The following TRAPPC10 variants were observed in gnomAD, a reference collection of about 807,000 sequenced individuals.
TRAPPC10 encodes TRAPP 130 kDa subunit.
Under a neutral mutation model 125.5 loss-of-function variants are expected in TRAPPC10, and 23 were observed. The ratio of observed to expected loss-of-function variants is 0.18; its 90% confidence interval spans 0.13 to 0.26. The LOEUF (loss-of-function observed/expected upper bound fraction) is 0.26, where lower values mean the gene tolerates loss of function less well. Ranked by LOEUF, TRAPPC10 falls within the 10% of genes least tolerant of loss-of-function variation. The pLI, the probability that TRAPPC10 is intolerant of heterozygous loss-of-function variation, is 1.00. For missense variants in TRAPPC10, 1,123 were observed against 1,308.4 expected, an observed-to-expected ratio of 0.86 and a Z score of 2.19; for synonymous variants, 509 against 518.0, an observed-to-expected ratio of 0.98 and a Z score of 0.24.
chr21:44,063,476 C>G lies in TRAPPC10; in HGVS notation c.791-62C>G. On this transcript the variant is annotated intron_variant, in intron 6 of 22. Transcript: ENST00000291574. The surrounding 1 kb of genome is among the most constrained non-coding windows in gnomAD (Gnocchi z 4.4). ...GTTTGCCCACCATCCTCAGCCTGAG[C>G]AGGAAGCTCAGGAAGGTGAAGTACC... 1 of 1,581,134 alleles carries G rather than the reference C, an allele frequency of 6.3e-7. No homozygotes were observed. Among genetic ancestry groups the G allele is most frequent in the Non-Finnish European group, 8.6e-7 (1 of 1,162,814 alleles).
At position 44,037,903 on chromosome 21, in the gene TRAPPC10, C is replaced by T; in HGVS notation, c.261C>T (p.Leu87=). The change falls in exon 3 of 23, where the codon CTC becomes CTT. Residue 87 remains leucine (L), a synonymous_variant. Coordinates refer to ENST00000291574, the MANE Select transcript of TRAPPC10 (RefSeq NM_003274.5). ...GNKALLTFPF[L]HIYWTECCDT... ...AAGCTCTGCTCACGTTTCCCTTCCT[C>T]CATATTTACTGGACAGAGTGCTGTG... 1 of 1,613,854 alleles carries T rather than the reference C, an allele frequency of 6.2e-7. No homozygotes were observed. Among genetic ancestry groups the T allele is most frequent in the Non-Finnish European group, 8.5e-7 (1 of 1,179,958 alleles).
rs2145860366 is a variant in TRAPPC10 at position 44,055,813 on chromosome 21, A to G, written c.598A>G (p.Lys200Glu). ...TATGTCTTTTACCAAAAACCTAGGC[A>G]AGTTTGAGGATGACATGAGAACCTT... is the stretch of plus-strand genomic sequence containing the variant. ...LLMSFTKNLG[K>E]FEDDMRTLRE... Residue 200 changes from lysine (K) to glutamate (E), a missense_variant, in exon 5 of 23, where the codon AAG (lysine) becomes GAG (glutamate). Coordinates refer to ENST00000291574, the MANE Select transcript of TRAPPC10 (RefSeq NM_003274.5). 2 of 1,613,854 alleles carry G rather than the reference A, an allele frequency of 1.2e-6. No individual in the cohort carries two copies. The highest frequency in any genetic ancestry group is 2.2e-5 in the South Asian group (2 of 91,058).
chr21:44,020,206 C>T (rs1233065321), intron 1 of TRAPPC10, among the ~76,000 whole-genome samples: 4 of 151,340 alleles, frequency 2.6e-5, no homozygotes, highest in Non-Finnish European at 4.4e-5. Flanking sequence ...CTGCAAGCTC[C>T]GACTCCGCCT....
intron 1 of TRAPPC10, among the ~76,000 whole-genome samples, chr21:44,029,128 T>G (rs768188557): frequency 8.5e-5 from 13 of 152,246 alleles, no homozygotes. Flanking sequence ...GGAGTCTCGC[T>G]CTGTCGCCCG....
intron 3 of TRAPPC10, among the ~76,000 whole-genome samples, chr21:44,042,717 T>A (rs1569159954): frequency 6.6e-6 from 1 of 152,356 alleles, no homozygotes; most frequent in East Asian, 1.9e-4. Context: ...GACAGTGGTA[T>A]GGTAAAGTCT....
At chr21:44,066,596 C>T (rs2036469067) in intron 7 of TRAPPC10, among the ~76,000 whole-genome samples, 1 of 152,086 alleles carries the variant, frequency 6.6e-6, no homozygotes, top group Non-Finnish European at 1.5e-5. Flanking sequence ...TGGAAAATAA[C>T]AGACAAATAT....
chr21:44,052,537 C>T, intron 4 of TRAPPC10, 61 bp downstream of exon 4: 6 of 1,460,124 alleles, frequency 4.1e-6, no homozygotes, highest in East Asian at 4.6e-5. Flanking sequence ...AGATTGCTGG[C>T]TTCCTGGGTA....
rs1004473941 is a variant in TRAPPC10 at position 44,012,673 on chromosome 21, G to C, written c.67+113G>C. On this transcript the variant is annotated intron_variant, in intron 1 of 22. Coordinates refer to ENST00000291574, the MANE Select transcript of TRAPPC10 (RefSeq NM_003274.5). ...CCCCCGGCGCGCTCCGGGCTGGGCC[G>C]CTTCCTGGAGGTGTGACCAGGGCTG... The C allele has an allele frequency of 5.4e-6, 5 of 933,608 alleles. No homozygotes were observed. The East Asian group carries it at 1.7e-4, about 31-fold the overall frequency. 57.8% of individuals were successfully genotyped at this position (933,608 alleles called of 1,614,324 possible).
intron 7 of TRAPPC10, among the ~76,000 whole-genome samples, chr21:44,064,001 G>A (rs891167413): frequency 5.9e-5 from 9 of 152,128 alleles, no homozygotes; most frequent in Admixed American, 5.2e-4. Flanking sequence ...AGTTTGTGCC[G>A]GTCCAGAGCA....
At chr21:44,015,610 ATTTTT>A (rs11405094) in intron 1 of TRAPPC10, among the ~76,000 whole-genome samples, 1 of 140,442 alleles carries the variant, frequency 7.1e-6, no homozygotes, top group Non-Finnish European at 1.6e-5. Context: ...AGCTCTCCAA[ATTTTT>A]TTTTTTTTTT....
intron 1 of TRAPPC10, among the ~76,000 whole-genome samples, chr21:44,026,227 C>T (rs538108937): frequency 2.6e-5 from 4 of 152,118 alleles, no homozygotes; most frequent in African/African-American, 9.6e-5. Flanking sequence ...CCCCCGACTG[C>T]GAAGGCTTTT....
intron 15 of TRAPPC10, among the ~76,000 whole-genome samples, chr21:44,086,103 C>T (rs1454937376): frequency 6.6e-6 from 1 of 152,242 alleles, no homozygotes. Flanking sequence ...ACTCGATTCC[C>T]GCAGGGGAGC....
intron 1 of TRAPPC10, among the ~76,000 whole-genome samples, chr21:44,018,311 G>A (rs548870310): frequency 7.9e-5 from 12 of 152,084 alleles, no homozygotes; most frequent in East Asian, 1.9e-4. Context: ...AGGCCGAGGC[G>A]GGAGGATCAC....
intron 15 of TRAPPC10, among the ~76,000 whole-genome samples, chr21:44,085,138 G>A (rs937940920): frequency 1.3e-5 from 2 of 152,082 alleles, no homozygotes; most frequent in Non-Finnish European, 2.9e-5. Flanking sequence ...TGAAAGGCCC[G>A]ACCCTCTAAT....
chr21:44,043,745 C>T (rs912825849), intron 3 of TRAPPC10, among the ~76,000 whole-genome samples: 3 of 152,188 alleles, frequency 2.0e-5, no homozygotes, highest in Non-Finnish European at 4.4e-5. Flanking sequence ...GCAGAAGCAA[C>T]ACTGTGATAC....
At chr21:44,023,516 GAGTC>G in intron 1 of TRAPPC10, among the ~76,000 whole-genome samples, 1 of 152,272 alleles carries the variant, frequency 6.6e-6, no homozygotes, top group African/African-American at 2.4e-5. Flanking sequence ...TGGCCAGGGA[GAGTC>G]TCTTTCATGT....
intron 20 of TRAPPC10, among the ~76,000 whole-genome samples, chr21:44,095,595 G>A (rs1018679333): frequency 1.4e-5 from 2 of 139,538 alleles, no homozygotes; most frequent in African/African-American, 2.7e-5. Context: ...ACAGAGACTC[G>A]CTGTGTCGCC....
intron 1 of TRAPPC10, among the ~76,000 whole-genome samples, chr21:44,027,843 A>T (rs1313303243): frequency 6.6e-6 from 1 of 152,220 alleles, no homozygotes; most frequent in South Asian, 2.1e-4. Flanking sequence ...TGCCCTTATA[A>T]AAAAGGGCCC....
At chr21:44,045,701 G>A (rs930324778) in intron 3 of TRAPPC10, among the ~76,000 whole-genome samples, 16 of 151,806 alleles carry the variant, frequency 1.1e-4, no homozygotes, top group African/African-American at 3.4e-4. Flanking sequence ...ATAGGTGCCC[G>A]CCACCATGCC....
Sources: allele counts gnomAD v4.1 joint callset (sites outside exome capture counted in the v4.1 genomes callset), GRCh38; gene constraint gnomAD v4.1.1; non-coding constraint Gnocchi (gnomAD v3.1); transcripts MANE v1.5; gene names NCBI Gene and HGNC (gene_info 2026-07-23, HGNC 2026-07-21).